Variants in ABI1 observed in about 807,000 individuals in gnomAD.
ABI1 encodes the protein Abelson interactor 1.
In ABI1, 14 loss-of-function variants were observed where a neutral mutation model predicts 54.6. The observed-to-expected ratio is 0.26, with a 90% confidence interval of 0.17 to 0.40. ABI1 has a LOEUF of 0.40. ABI1 is among the 10% of genes least tolerant of loss of function. The pLI, the probability that ABI1 is intolerant of heterozygous loss-of-function variation, is 1.00. For missense variants in ABI1, 443 were observed against 598.3 expected (o/e 0.74, Z 2.71); for synonymous variants, 194 against 209.3 (o/e 0.93, Z 0.63).
chr10:26,765,624 A>AGGGGAAGGGAAGGAGGGAGG (rs1467734266), intron 6 of ABI1, among the ~76,000 whole-genome samples: 1 of 111,430 alleles, frequency 9.0e-6, no homozygotes, highest in East Asian at 3.0e-4. Context: ...CCTGAGGAAG[A>AGGGGAAGGGAAGGAGGGAGG]GGGGAAGGGA....
intron 1 of ABI1, among the ~76,000 whole-genome samples, chr10:26,836,035 G>A (rs2049049196): frequency 1.3e-5 from 2 of 152,042 alleles, no homozygotes; most frequent in Non-Finnish European, 2.9e-5. Context: ...TTACAAGCAT[G>A]AGCCACTGTG....
intron 2 of ABI1, among the ~76,000 whole-genome samples, chr10:26,807,829 C>T (rs751090207): frequency 2.0e-5 from 3 of 152,054 alleles, no homozygotes; most frequent in Admixed American, 6.6e-5. Flanking sequence ...TGGTGGCTCA[C>T]GTTTGTAATC....
Position 26,836,728 on chromosome 10 carries a change from T to C in ABI1, c.118-13423A>G, listed in dbSNP as rs534914297. ...GTGAAAATGTAAAGAATGTGAATCC[T>C]TGATGATACTGAGCTGAAGAATTAA... On this transcript the variant is annotated intron_variant, in intron 1 of 10. Transcript: ENST00000376140. 8.5e-5 allele frequency among the ~76,000 whole-genome samples: 13 copies of C among 152,326 alleles called. No homozygotes were observed. The South Asian group carries it at 2.7e-3, about 32-fold the overall frequency.
At chr10:26,835,088 CAAAA>C (rs201431383) in intron 1 of ABI1, among the ~76,000 whole-genome samples, 331 of 32,044 alleles carry the variant, frequency 0.01, no homozygotes, top group Non-Finnish European at 0.016. Context: ...GATTCTACCT[CAAAA>C]AAAAAAAAAA....
chr10:26,774,963 C>T (rs1193698099), intron 3 of ABI1, among the ~76,000 whole-genome samples: 1 of 152,014 alleles, frequency 6.6e-6, no homozygotes, highest in African/African-American at 2.4e-5. Context: ...AGGATTCTTA[C>T]AAGTCAGTAA....
At chr10:26,773,846 G>C (rs994561718) in intron 3 of ABI1, among the ~76,000 whole-genome samples, 1 of 152,128 alleles carries the variant, frequency 6.6e-6, no homozygotes, top group South Asian at 2.1e-4. Context: ...CATGTCTCCT[G>C]TGGTCTGAAG....
At chr10:26,825,934 T>C (rs1564547198) in intron 1 of ABI1, among the ~76,000 whole-genome samples, 2 of 152,180 alleles carry the variant, frequency 1.3e-5, no homozygotes, top group South Asian at 2.1e-4. Context: ...GTTCCCACCA[T>C]ATCTGCAGTT....
chr10:26,819,592 G>C (rs957971550), intron 2 of ABI1, among the ~76,000 whole-genome samples: 1 of 152,168 alleles, frequency 6.6e-6, no homozygotes, highest in Non-Finnish European at 1.5e-5. Context: ...GAGATTTATA[G>C]ACATTCCACC....
chr10:26,816,679 G>T (rs891881260), intron 2 of ABI1, among the ~76,000 whole-genome samples: 3 of 151,968 alleles, frequency 2.0e-5, no homozygotes, highest in Admixed American at 2.0e-4. Flanking sequence ...TTTACATTAT[G>T]GTATACTAAA....
In ABI1 at chr10:26,806,043, G is replaced by C. The variant is rs899372; in HGVS notation, c.285+17095C>G. Among the ~76,000 whole-genome samples the C allele has an allele frequency of 0.018, 2,717 of 152,218 alleles. 191 individuals are homozygous for C. In the South Asian group the frequency reaches 0.19, roughly 11 times the overall value. ...GTCTTTCTCTAATGCCATTACCTCA[G>C]ACTGGAATGCATCTATACTCCGTAT... is the stretch of plus-strand genomic sequence containing the variant. On this transcript the variant is annotated intron_variant, in intron 2 of 10. Coordinates refer to ENST00000376140, the MANE Select transcript of ABI1 (RefSeq NM_001012750.3).
intron 2 of ABI1, among the ~76,000 whole-genome samples, chr10:26,783,176 CATT>C (rs1183063975): frequency 6.6e-6 from 1 of 152,098 alleles, no homozygotes; most frequent in Non-Finnish European, 1.5e-5. Flanking sequence ...ACCTTGAGGA[CATT>C]ATTGAGTGAA....
chr10:26,813,797 G>GT (rs531883836), intron 2 of ABI1, among the ~76,000 whole-genome samples: 7 of 152,004 alleles, frequency 4.6e-5, no homozygotes, highest in African/African-American at 1.7e-4. Context: ...TTGGATAACA[G>GT]TTTTTTTCAT....
Position 26,846,141 on chromosome 10 carries a change from CA to C in ABI1, c.117+14605del, listed in dbSNP as rs76596179. ...TGGGCGACAGAGTGAGACTCCGTCT[CA>C]AAAAAAAAAAAAAGATTTTAGAAAA... On this transcript the variant is annotated intron_variant, in intron 1 of 10. Transcript: ENST00000376140. Among the ~76,000 whole-genome samples the C allele has an allele frequency of 3.0e-3, 365 of 122,548 alleles. 2 individuals are homozygous for C. The highest frequency in any genetic ancestry group is 0.019 in the South Asian group (74 of 3,966). The allele number at this position is 122,548 out of a possible 152,430, so 80.4% of individuals were successfully genotyped here. A position where few individuals can be genotyped will look rare whatever the true frequency, so the allele number is the denominator to read the frequency against.
chr10:26,774,652 G>T (rs1333606585), intron 3 of ABI1, among the ~76,000 whole-genome samples: 1 of 151,790 alleles, frequency 6.6e-6, no homozygotes, highest in African/African-American at 2.4e-5. Flanking sequence ...AGCATAAAAT[G>T]CATTAACACA....
chr10:26,832,407 CCTAT>C (rs2048742397), intron 1 of ABI1, among the ~76,000 whole-genome samples: 1 of 151,864 alleles, frequency 6.6e-6, no homozygotes, highest in South Asian at 2.1e-4. Context: ...ACAATGAAAC[CCTAT>C]CTCTATTAAA....
In ABI1 at chr10:26,771,108, A is replaced by AG. The variant is rs530649225; in HGVS notation, c.463-20dup. ...TTAGCCACTTTACGTTGGCAAAAAAAGGGGGGGAAAAAGTAGACATTAATG... is the reference window on the plus strand; with the variant it reads ...TTAGCCACTTTACGTTGGCAAAAAAAGGGGGGGGAAAAAGTAGACATTAATG... On this transcript the variant is annotated intron_variant, in intron 3 of 10. Transcript: ENST00000376140. 271 of 1,613,162 alleles carry AG rather than the reference A, an allele frequency of 1.7e-4. 1 individual carries two copies. In the African/African-American group the frequency reaches 3.0e-3, roughly 18 times the overall value.
intron 2 of ABI1, among the ~76,000 whole-genome samples, chr10:26,821,613 C>T (rs534795837): frequency 2.0e-5 from 3 of 152,108 alleles, no homozygotes; most frequent in African/African-American, 7.2e-5. Flanking sequence ...GCCTGGCCAA[C>T]ATGGCAAAAC....
chr10:26,787,589 AG>A (rs1386764002), intron 2 of ABI1, among the ~76,000 whole-genome samples: 15 of 145,776 alleles, frequency 1.0e-4, no homozygotes, highest in Admixed American at 9.3e-4. Flanking sequence ...AGCAAAAAAA[AG>A]GGAACAGGTT....
chr10:26,827,324 C>T (rs1317405615), intron 1 of ABI1, among the ~76,000 whole-genome samples: 1 of 149,194 alleles, frequency 6.7e-6, no homozygotes, highest in Non-Finnish European at 1.5e-5. Flanking sequence ...CAGGTTCATG[C>T]CATTCTCCTG....
Sources: gnomAD v4.1 joint callset for allele counts (sites outside exome capture counted in the v4.1 genomes callset) on GRCh38, gnomAD v4.1.1 for gene constraint, MANE v1.5 for transcripts, NCBI Gene and HGNC (gene_info 2026-07-23, HGNC 2026-07-21) for gene names.